TBX15: variants seen among roughly 807,000 people sequenced by gnomAD.
The protein encoded by TBX15 is T-box transcription factor 15.
TBX15 carries 18 observed loss-of-function variants against 53.9 expected under a neutral mutation model. The observed-to-expected ratio is 0.33, with a 90% CI of 0.23 to 0.49. The LOEUF (loss-of-function observed/expected upper bound fraction) is 0.49. Ranked by LOEUF, TBX15 falls within the 20% of genes least tolerant of loss-of-function variation. TBX15 has a pLI of 0.98. For synonymous variants in TBX15, 295 were observed against 278.0 expected, an observed-to-expected ratio of 1.06 and a Z score of -0.61; for missense variants, 692 against 749.5, an observed-to-expected ratio of 0.92 and a Z score of 0.90.
intron 1 of TBX15, among the ~76,000 whole-genome samples, chr1:118,958,884 G>A (rs547128545): frequency 1.3e-5 from 2 of 152,282 alleles, no homozygotes; most frequent in African/African-American, 4.8e-5. Flanking sequence ...ACAGAGGCTG[G>A]AATAGTAAAT....
chr1:118,911,877 C>T (rs1571167280), intron 6 of TBX15, among the ~76,000 whole-genome samples: 1 of 152,298 alleles, frequency 6.6e-6, no homozygotes, highest in East Asian at 1.9e-4. Context: ...TATCAGGACA[C>T]CATCCCTATT....
intron 7 of TBX15, among the ~76,000 whole-genome samples, chr1:118,889,802 TA>T (rs397976022): frequency 0.019 from 2,884 of 148,158 alleles, 96 homozygotes; most frequent in African/African-American, 0.062. Flanking sequence ...GGCATTAATT[TA>T]AAAAAAAAAA....
intron 1 of TBX15, among the ~76,000 whole-genome samples, chr1:118,934,558 T>C (rs539408114): frequency 6.6e-6 from 1 of 152,324 alleles, no homozygotes; most frequent in Non-Finnish European, 1.5e-5. Context: ...GCTTACTATG[T>C]GCCCAGCACT....
intron 1 of TBX15, among the ~76,000 whole-genome samples, chr1:118,958,380 A>G (rs1656761069): frequency 6.6e-6 from 1 of 152,170 alleles, no homozygotes; most frequent in Admixed American, 6.5e-5. Flanking sequence ...CTGTTGTTTA[A>G]GGCTCCCAGT....
At chr1:118,981,303 T>TAC (rs35594301) in intron 1 of TBX15, among the ~76,000 whole-genome samples, 14,585 of 146,640 alleles carry the variant, frequency 0.099, 885 homozygotes, top group African/African-American at 0.18. Flanking sequence ...TTAAACTAGC[T>TAC]ACACACACAC....
chr1:118,970,274 C>T (rs953590761), intron 1 of TBX15, among the ~76,000 whole-genome samples: 2 of 152,186 alleles, frequency 1.3e-5, no homozygotes, highest in Non-Finnish European at 2.9e-5. Flanking sequence ...GCCCTCCACA[C>T]CTGTCTCCAC....
In TBX15 at chr1:118,884,783, C is replaced by T. The variant is rs769321316; in HGVS notation, c.1758G>A (p.Gln586=). 3.1e-6 allele frequency: 5 copies of T among 1,614,106 alleles called. No homozygotes were observed. Among genetic ancestry groups the T allele is most frequent in the Admixed American group, 1.7e-5 (1 of 60,020 alleles). The change falls in exon 8 of 8, where the codon CAG becomes CAA. Residue 586 remains glutamine (Q), a synonymous_variant. Transcript: ENST00000369429. Reference sequence around the variant, plus strand: ...AGGAGGAGCCTGGAACTGCCCCATACTGCCGGCCATCACAAGTGTTGGTTG... The same window carrying T: ...AGGAGGAGCCTGGAACTGCCCCATATTGCCGGCCATCACAAGTGTTGGTTG... The part of the protein sequence containing the change: ...QQATNTCDGR[Q]YGAVPGSSSQ...
At chr1:118,925,140 C>T (rs1655552029) in intron 3 of TBX15, among the ~76,000 whole-genome samples, 6 of 152,230 alleles carry the variant, frequency 3.9e-5, no homozygotes, top group Admixed American at 3.9e-4. Context: ...CCGTGCACCC[C>T]TGTGTGCACA....
chr1:118,891,770 G>C (rs1299381343), intron 7 of TBX15, among the ~76,000 whole-genome samples: 1 of 152,180 alleles, frequency 6.6e-6, no homozygotes, highest in Admixed American at 6.6e-5. Context: ...GGATGATAGA[G>C]AGCAAAGTTG....
chr1:118,896,290 A>G (rs145419546), intron 7 of TBX15, among the ~76,000 whole-genome samples: 108 of 152,306 alleles, frequency 7.1e-4, no homozygotes, highest in African/African-American at 2.5e-3. Context: ...ACAACTATTT[A>G]CAATACTCCA....
intron 1 of TBX15, among the ~76,000 whole-genome samples, chr1:118,977,297 G>A (rs562938067): frequency 6.6e-6 from 1 of 152,254 alleles, no homozygotes; most frequent in Non-Finnish European, 1.5e-5. Flanking sequence ...ACATATATAT[G>A]CACATATATA....
intron 7 of TBX15, chr1:118,890,837 C>T (rs1190684854): frequency 7.8e-7 from 1 of 1,275,022 alleles, no homozygotes; most frequent in Non-Finnish European, 1.0e-6. Context: ...CCCATCTAGG[C>T]TAGTAAAGAA....
At chr1:118,893,765 G>T (rs1426691886) in intron 7 of TBX15, among the ~76,000 whole-genome samples, 1 of 151,940 alleles carries the variant, frequency 6.6e-6, no homozygotes, top group Admixed American at 6.6e-5. Context: ...TTATCCTAAA[G>T]TTGTCTCTGG....
At chr1:118,893,821 C>T (rs928837400) in intron 7 of TBX15, among the ~76,000 whole-genome samples, 1 of 152,114 alleles carries the variant, frequency 6.6e-6, no homozygotes, top group Non-Finnish European at 1.5e-5. Context: ...TGATACAGAA[C>T]CTAGCAGAGT....
intron 1 of TBX15, among the ~76,000 whole-genome samples, chr1:118,934,846 C>G (rs915179974): frequency 5.9e-5 from 9 of 152,156 alleles, no homozygotes; most frequent in Non-Finnish European, 1.0e-4. Context: ...AGAGGATTTT[C>G]AAAGACATTT....
chr1:118,905,165 C>T (rs896890716), intron 6 of TBX15, among the ~76,000 whole-genome samples: 50 of 152,284 alleles, frequency 3.3e-4, no homozygotes, highest in African/African-American at 1.1e-3. Flanking sequence ...AGCCCTCTGG[C>T]TCTGGATTAA....
At position 118,987,879 on chromosome 1, in the gene TBX15, C is replaced by A; in HGVS notation, c.-84G>T. The stretch of plus-strand genomic sequence containing the variant: ...CCTCAAGCTCTGAGCGCCCACCGGG[C>A]CCGGCCCGGGAGAGGCGGAGGCGCG... On this transcript the variant is annotated 5_prime_UTR_variant, in exon 1 of 8. Transcript: ENST00000369429. 2 of 1,510,976 alleles carry A rather than the reference C, an allele frequency of 1.3e-6. No individual in the cohort carries two copies. Among genetic ancestry groups the A allele is most frequent in the Non-Finnish European group, 1.8e-6 (2 of 1,123,948 alleles). 93.6% of individuals were successfully genotyped at this position (1,510,976 alleles called of 1,614,324 possible).
intron 6 of TBX15, among the ~76,000 whole-genome samples, chr1:118,907,166 C>A (rs950704274): frequency 2.0e-5 from 3 of 152,136 alleles, no homozygotes. Flanking sequence ...GGTGCCATAC[C>A]AGCTGGAAAT....
At chr1:118,942,491 C>T (rs1444885551) in intron 1 of TBX15, among the ~76,000 whole-genome samples, 1 of 152,142 alleles carries the variant, frequency 6.6e-6, no homozygotes, top group Non-Finnish European at 1.5e-5. Context: ...TCATCTTCTT[C>T]CAGGAGACAA....
Sources: allele counts gnomAD v4.1 joint callset (sites outside exome capture counted in the v4.1 genomes callset), GRCh38; gene constraint gnomAD v4.1.1; transcripts MANE v1.5; gene names NCBI Gene and HGNC (gene_info 2026-07-23, HGNC 2026-07-21).